BPHL: variants seen among roughly 807,000 people sequenced by gnomAD.
The protein encoded by BPHL is biphenyl hydrolase like.
In BPHL, 27 loss-of-function variants were observed where a neutral mutation model predicts 31.2. The observed-to-expected ratio is 0.87, with a 90% confidence interval of 0.64 to 1.19. The LOEUF (loss-of-function observed/expected upper bound fraction) is 1.19. BPHL is among the 50% of genes most tolerant of loss of function. BPHL has a pLI of 0.00. For synonymous variants in BPHL, 150 were observed against 146.8 expected (o/e 1.02, Z -0.16); for missense variants, 356 against 375.7 (o/e 0.95, Z 0.43).
intron 2 of BPHL, among the ~76,000 whole-genome samples, chr6:3,124,659 A>G (rs1401041272): frequency 2.0e-5 from 3 of 152,232 alleles, no homozygotes; most frequent in Admixed American, 2.0e-4. Context: ...TTTAGGGAAT[A>G]ATGACAAGGA....
At chr6:3,152,008 A>G (rs3799225) in intron 6 of BPHL, among the ~76,000 whole-genome samples, 12,868 of 152,248 alleles carry the variant, frequency 0.085, 787 homozygotes, top group African/African-American at 0.17. Flanking sequence ...CAGGCTGGGG[A>G]TGGCTGTGAA....
chr6:3,128,376 C>T (rs1761774354), intron 3 of BPHL, among the ~76,000 whole-genome samples: 1 of 152,198 alleles, frequency 6.6e-6, no homozygotes, highest in African/African-American at 2.4e-5. Context: ...ACAGTAGTTA[C>T]ACCATTTTAT....
At chr6:3,137,078 T>C (rs1315492720) in intron 4 of BPHL, among the ~76,000 whole-genome samples, 1 of 152,038 alleles carries the variant, frequency 6.6e-6, no homozygotes, top group Non-Finnish European at 1.5e-5. Context: ...TGTGGGCCTG[T>C]ATTGTGGGAG....
Position 3,137,594 on chromosome 6 carries a change from C to T in BPHL, c.664+101C>T, listed in dbSNP as rs572550734. ...CTCAGTGATTCATGAATCTGCCCAT[C>T]GCCCTCACACGCTCATGTGTGAGCA... On this transcript the variant is annotated intron_variant, in intron 5 of 6. Transcript: ENST00000380379. 86 of 1,482,358 alleles carry T rather than the reference C, an allele frequency of 5.8e-5. No homozygotes were observed. In the South Asian group the frequency reaches 9.6e-4, roughly 16 times the overall value. 91.8% of individuals were successfully genotyped at this position (1,482,358 alleles called of 1,614,324 possible).
chr6:3,146,781 G>A (rs112177795), intron 6 of BPHL, among the ~76,000 whole-genome samples: 2 of 136,120 alleles, frequency 1.5e-5, no homozygotes, highest in African/African-American at 5.4e-5. Flanking sequence ...TTTGGGTCGA[G>A]TGCTGGTTTG....
At chr6:3,139,959 G>T (rs1311837285) in intron 5 of BPHL, 1 of 166,768 alleles carries the variant, frequency 6.0e-6, no homozygotes, top group Non-Finnish European at 1.3e-5. Context: ...TTAATTCCTT[G>T]TGAGGTTCAT....
intron 6 of BPHL, among the ~76,000 whole-genome samples, chr6:3,145,195 G>A: frequency 1.1e-5 from 1 of 91,110 alleles, no homozygotes; most frequent in East Asian, 3.1e-4. Context: ...GTGGAGTGCT[G>A]GTTCGGGGTG....
chr6:3,145,631 GT>G (rs1212986688), intron 6 of BPHL, among the ~76,000 whole-genome samples: 2 of 79,206 alleles, frequency 2.5e-5, no homozygotes, highest in Non-Finnish European at 3.1e-5. Context: ...GCTGGTTCGG[GT>G]TGGAGTGCTG....
chr6:3,144,391 GT>G (rs796426507), intron 6 of BPHL, among the ~76,000 whole-genome samples: 4 of 130,292 alleles, frequency 3.1e-5, no homozygotes, highest in South Asian at 2.6e-4. Context: ...TTTTTTTTTT[GT>G]TTTTTTTTTT....
At chr6:3,118,611 G>A (rs1761455779), upstream of BPHL, 2 of 610,546 alleles carry the variant, frequency 3.3e-6, no homozygotes, top group Non-Finnish European at 4.8e-6. Flanking sequence ...GGGCGGGGCG[G>A]GCAGAGGGCG....
At chr6:3,134,603 A>ATTT (rs556567574) in intron 4 of BPHL, among the ~76,000 whole-genome samples, 4 of 127,620 alleles carry the variant, frequency 3.1e-5, no homozygotes, top group Non-Finnish European at 4.9e-5. Context: ...CACCTGGCTA[A>ATTT]TTTTTTTTTT....
chr6:3,118,993 C>CG (rs1761477331), intron 1 of BPHL, 146 bp downstream of exon 1: 2 of 713,640 alleles, frequency 2.8e-6, no homozygotes. Context: ...CTTTGTGCCG[C>CG]GAGACCCCGA....
In BPHL at chr6:3,152,892, C is replaced by T. The variant is rs112913728; in HGVS notation, c.*317C>T. On this transcript the variant is annotated 3_prime_UTR_variant, in exon 7 of 7. Coordinates refer to ENST00000380379, the MANE Select transcript of BPHL (RefSeq NM_004332.4). ...AAAGAGTTTTTCAAAATTAGCCAGG[C>T]GAAGTGGCACACATCTGTGGTCCCA... 13 of 187,386 alleles carry T rather than the reference C, an allele frequency of 6.9e-5. No individual in the cohort carries two copies. Among genetic ancestry groups the T allele is most frequent in the South Asian group, 3.9e-4 (3 of 7,670 alleles). The allele number at this position is 187,386 out of a possible 1,614,324, so 11.6% of individuals were successfully genotyped here. A position where few individuals can be genotyped will look rare whatever the true frequency, so the allele number is the denominator to read the frequency against.
At chr6:3,119,217 T>G in intron 1 of BPHL, 1 of 1,399,444 alleles carries the variant, frequency 7.1e-7, no homozygotes, top group Non-Finnish European at 9.7e-7. Context: ...CCCTCATTAG[T>G]CCATTGCTCT....
intron 2 of BPHL, chr6:3,124,261 T>G (rs1363532058): frequency 6.6e-6 from 1 of 152,188 alleles, no homozygotes; most frequent in Non-Finnish European, 1.5e-5. Context: ...GATTGGCATA[T>G]TACCCTCTCT....
At chr6:3,137,268 G>A (rs377576651) in intron 4 of BPHL, 94 bp from the exon 5 acceptor site, 144 of 1,455,784 alleles carry the variant, frequency 9.9e-5, no homozygotes, top group Non-Finnish European at 1.3e-4. Flanking sequence ...GACAGTGAGC[G>A]CATGGGCTCA....
intron 5 of BPHL, chr6:3,137,891 A>G (rs1762056014): frequency 1.2e-6 from 1 of 840,636 alleles, no homozygotes; most frequent in South Asian, 1.5e-5. Context: ...ACACATTTAG[A>G]TGTGTCTCCC....
rs1303569725 is a variant in BPHL at position 3,153,044 on chromosome 6, CAT to C, written c.*471_*472del. The C allele has an allele frequency of 2.0e-5, 3 of 151,290 alleles. No individual in the cohort carries two copies. Among genetic ancestry groups the C allele is most frequent in the African/African-American group, 4.9e-5 (2 of 41,080 alleles). 9.4% of individuals were successfully genotyped at this position (151,290 alleles called of 1,614,324 possible). On this transcript the variant is annotated 3_prime_UTR_variant, in exon 7 of 7. Transcript: ENST00000380379. ...ACCTTGTCTTAAAAAAAAATAAAAA[CAT>C]AAAAAAAAATAAAAAAGGAATAAAG... is the stretch of plus-strand genomic sequence containing the variant.
chr6:3,132,891 C>G (rs1272837606), intron 4 of BPHL, among the ~76,000 whole-genome samples: 2 of 152,136 alleles, frequency 1.3e-5, no homozygotes, highest in Non-Finnish European at 2.9e-5. Context: ...AAGACGAGTT[C>G]TCACTATGTT....
Sources: allele counts gnomAD v4.1 joint callset (sites outside exome capture counted in the v4.1 genomes callset), GRCh38; gene constraint gnomAD v4.1.1; transcripts MANE v1.5; gene names NCBI Gene and HGNC (gene_info 2026-07-23, HGNC 2026-07-21).